GALNT13: variants seen among roughly 807,000 people sequenced by gnomAD.
The protein encoded by GALNT13 is UDP-GalNAc:polypeptide N-acetylgalactosaminyltransferase 13.
A neutral mutation model predicts 64.2 loss-of-function variants in GALNT13; 28 were observed. That is an observed-to-expected ratio of 0.44 (90% CI 0.32 to 0.60). GALNT13 has a LOEUF of 0.60. Among genes scored for constraint, GALNT13 ranks in the 20% least tolerant of loss-of-function variants. The pLI is 0.05. For missense variants in GALNT13, 577 were observed against 669.8 expected (o/e 0.86, Z 1.53); for synonymous variants, 214 against 224.6 (o/e 0.95, Z 0.42).
At chr2:153,316,216 G>C in the GALNT13 span, among the ~76,000 whole-genome samples, 1 of 152,032 alleles carries the variant, frequency 6.6e-6, no homozygotes, top group Non-Finnish European at 1.5e-5. Context: ...GTGCTAACAG[G>C]AATATAAAAT....
the GALNT13 span, among the ~76,000 whole-genome samples, chr2:153,384,601 C>A: frequency 6.6e-6 from 1 of 151,822 alleles, no homozygotes; most frequent in Non-Finnish European, 1.5e-5. Context: ...TTTTTAAAGG[C>A]AAGATGGAAA....
chr2:153,473,527 C>G, the GALNT13 span, among the ~76,000 whole-genome samples: 1 of 152,160 alleles, frequency 6.6e-6, no homozygotes, highest in Admixed American at 6.5e-5. Flanking sequence ...ACTACTGAGG[C>G]AGCTGCTTTT....
At chr2:154,375,786 A>C (rs1419808358) in intron 9 of GALNT13, among the ~76,000 whole-genome samples, 1 of 152,138 alleles carries the variant, frequency 6.6e-6, no homozygotes, top group African/African-American at 2.4e-5. Context: ...GGATTAGCAA[A>C]TCCGACTGCA....
the GALNT13 span, among the ~76,000 whole-genome samples, chr2:153,524,630 C>T: frequency 1.3e-5 from 2 of 152,050 alleles, no homozygotes; most frequent in African/African-American, 4.8e-5. Context: ...GCAGTGCAGT[C>T]CTGTTACAGT....
chr2:154,392,256 A>T (rs544398120), intron 9 of GALNT13, among the ~76,000 whole-genome samples: 1 of 152,286 alleles, frequency 6.6e-6, no homozygotes, highest in African/African-American at 2.4e-5. Flanking sequence ...GAGATGGGAA[A>T]TCAGTCTCAA....
chr2:153,748,485 G>T, the GALNT13 span, among the ~76,000 whole-genome samples: 7 of 152,208 alleles, frequency 4.6e-5, no homozygotes, highest in African/African-American at 1.4e-4. Flanking sequence ...GAGGTGAGAT[G>T]ATATCTCATT....
chr2:154,250,626 A>G (rs1182861423), intron 7 of GALNT13, among the ~76,000 whole-genome samples: 1 of 152,102 alleles, frequency 6.6e-6, no homozygotes, highest in Non-Finnish European at 1.5e-5. Flanking sequence ...CACTGAATCA[A>G]TTTATAATTT....
At chr2:153,309,163 A>G in the GALNT13 span, among the ~76,000 whole-genome samples, 3 of 152,160 alleles carry the variant, frequency 2.0e-5, no homozygotes, top group East Asian at 5.8e-4. Flanking sequence ...GAAAACATGT[A>G]CAAACTCAAA....
the GALNT13 span, among the ~76,000 whole-genome samples, chr2:153,131,796 C>T: frequency 6.6e-6 from 1 of 151,900 alleles, no homozygotes; most frequent in Non-Finnish European, 1.5e-5. Flanking sequence ...AGTTTTCAAG[C>T]ATGTTTGGTA....
At chr2:153,717,398 G>C in the GALNT13 span, among the ~76,000 whole-genome samples, 1 of 152,120 alleles carries the variant, frequency 6.6e-6, no homozygotes, top group Non-Finnish European at 1.5e-5. Context: ...AGCATCTATT[G>C]AGGAAATAAC....
At chr2:153,345,635 T>TTCTCTTTCTTTC in the GALNT13 span, among the ~76,000 whole-genome samples, 1 of 68,806 alleles carries the variant, frequency 1.5e-5, no homozygotes, top group Admixed American at 1.8e-4. Context: ...TTTCCTTTCT[T>TTCTCTTTCTTTC]TTTCTTTCTT....
Position 153,991,271 on chromosome 2 carries a change from C to A in GALNT13, c.142+46632C>A, listed in dbSNP as rs71417289. Among the ~76,000 whole-genome samples, 451 of 152,166 alleles carry A rather than the reference C, an allele frequency of 3.0e-3. 2 individuals carry two copies. The highest frequency in any genetic ancestry group is 4.8e-3 in the Non-Finnish European group (327 of 68,002). On this transcript the variant is annotated intron_variant, in intron 3 of 12. Transcript: ENST00000392825. ...GGCTAGATTGTGATGGAGCAAAAAA[C>A]GTGAGAATGAGCTGACACCTGGTCA...
the GALNT13 span, among the ~76,000 whole-genome samples, chr2:153,628,072 G>A: frequency 1.3e-5 from 2 of 152,100 alleles, no homozygotes; most frequent in Non-Finnish European, 2.9e-5. Flanking sequence ...CACGTCCCTT[G>A]TAAGTGGGAT....
the GALNT13 span, among the ~76,000 whole-genome samples, chr2:153,714,198 G>C: frequency 2.6e-5 from 4 of 152,086 alleles, no homozygotes; most frequent in Non-Finnish European, 4.4e-5. Flanking sequence ...AGAATTGATA[G>C]TCCGACTGAG....
the GALNT13 span, among the ~76,000 whole-genome samples, chr2:153,274,821 C>G: frequency 6.6e-6 from 1 of 152,182 alleles, no homozygotes; most frequent in Non-Finnish European, 1.5e-5. Flanking sequence ...CATCTTGTTG[C>G]CTTCAGGGCA....
the GALNT13 span, chr2:153,592,908 A>C: frequency 8.5e-5 from 13 of 152,392 alleles, no homozygotes; most frequent in East Asian, 7.7e-4. Context: ...GGGGTAGAAG[A>C]AGCAGCAGAA....
At chr2:154,318,543 T>C (rs998829698) in intron 9 of GALNT13, among the ~76,000 whole-genome samples, 8 of 151,956 alleles carry the variant, frequency 5.3e-5, no homozygotes, top group African/African-American at 1.9e-4. Flanking sequence ...CTGGCCAACA[T>C]AGTAAAACCC....
chr2:154,344,747 T>G (rs1695971671), intron 9 of GALNT13, among the ~76,000 whole-genome samples: 1 of 152,010 alleles, frequency 6.6e-6, no homozygotes, highest in African/African-American at 2.4e-5. Context: ...GAGCATCTCA[T>G]TATGCCATCA....
At chr2:154,372,485 A>G (rs1164027561) in intron 9 of GALNT13, among the ~76,000 whole-genome samples, 2 of 151,924 alleles carry the variant, frequency 1.3e-5, no homozygotes, top group African/African-American at 2.4e-5. Context: ...ATTCATGCCA[A>G]TGTCATTTGT....
Sources: allele counts gnomAD v4.1 joint callset (sites outside exome capture counted in the v4.1 genomes callset), GRCh38; gene constraint gnomAD v4.1.1; transcripts MANE v1.5; gene names NCBI Gene and HGNC (gene_info 2026-07-23, HGNC 2026-07-21).